ADGRL3: variants seen among roughly 807,000 people sequenced by gnomAD.
ADGRL3 encodes the protein adhesion G protein-coupled receptor L3.
Under a neutral mutation model 153.5 loss-of-function variants are expected in ADGRL3, and 62 were observed. The ratio of observed to expected loss-of-function variants is 0.40; its 90% confidence interval spans 0.33 to 0.50. ADGRL3 has a LOEUF of 0.50. Ranked by LOEUF, ADGRL3 falls within the 20% of genes least tolerant of loss-of-function variation. The pLI is 0.47. For missense variants in ADGRL3, 1,641 were observed against 1,859.4 expected, an observed-to-expected ratio of 0.88 and a Z score of 2.16; for synonymous variants, 710 against 672.5, an observed-to-expected ratio of 1.06 and a Z score of -0.86.
At chr4:61,736,772 C>T (rs1009911883) in intron 8 of ADGRL3, among the ~76,000 whole-genome samples, 1 of 152,170 alleles carries the variant, frequency 6.6e-6, no homozygotes, top group African/African-American at 2.4e-5. Flanking sequence ...AATTTCATTC[C>T]TTTTGAACAA....
chr4:62,077,193 A>T lies in ADGRL3; in HGVS notation c.*6285A>T, dbSNP rs10026213. The T allele has an allele frequency of 1.3e-5, 2 of 151,712 alleles. No homozygotes were observed. The highest frequency in any genetic ancestry group is 4.8e-5 in the African/African-American group (2 of 41,404). The allele number at this position is 151,712 out of a possible 1,614,324, so 9.4% of individuals were successfully genotyped here. ...AAAGGAAAGCGTTTGAAAGAAGAGG[A>T]AAGTAAAGCAGACTTCTAACTATTT... On this transcript the variant is annotated 3_prime_UTR_variant, in exon 27 of 27. Transcript: ENST00000683033.
chr4:62,071,898 T>C lies in ADGRL3; in HGVS notation c.*990T>C, dbSNP rs1745789339. The C allele has an allele frequency of 3.2e-6, 1 of 316,118 alleles. No individual in the cohort carries two copies. 19.6% of individuals were successfully genotyped at this position (316,118 alleles called of 1,614,324 possible). On this transcript the variant is annotated 3_prime_UTR_variant, in exon 27 of 27. Transcript: ENST00000683033. ...AAAATTAGACTTCCTTCCCTCACTA[T>C]ATATCTTTATGCAGTCAGAATATTT...
intron 3 of ADGRL3, among the ~76,000 whole-genome samples, chr4:61,506,793 C>T (rs1233242982): frequency 2.6e-5 from 4 of 152,026 alleles, no homozygotes; most frequent in African/African-American, 9.7e-5. Flanking sequence ...AACGTGCAAA[C>T]ATAAAATAGC....
At chr4:61,445,442 G>A (rs1314469382) in intron 2 of ADGRL3, among the ~76,000 whole-genome samples, 2 of 152,180 alleles carry the variant, frequency 1.3e-5, no homozygotes, top group East Asian at 3.9e-4. Context: ...TCACAGGAAG[G>A]TGTGTTCACT....
intron 2 of ADGRL3, among the ~76,000 whole-genome samples, chr4:61,474,577 G>T (rs997223749): frequency 6.6e-6 from 1 of 152,026 alleles, no homozygotes; most frequent in Non-Finnish European, 1.5e-5. Flanking sequence ...AAAAGAAAAA[G>T]AAAATTTATC....
chr4:61,989,515 T>C (rs1001031195), intron 19 of ADGRL3, among the ~76,000 whole-genome samples: 1 of 152,016 alleles, frequency 6.6e-6, no homozygotes, highest in African/African-American at 2.4e-5. Flanking sequence ...TACTATTTTA[T>C]TAAAGGCCAA....
At chr4:61,688,747 A>C (rs58046346) in intron 6 of ADGRL3, among the ~76,000 whole-genome samples, 1 of 151,970 alleles carries the variant, frequency 6.6e-6, no homozygotes, top group Non-Finnish European at 1.5e-5. Flanking sequence ...GACTATTTGT[A>C]TAATTTCACA....
In ADGRL3 at chr4:61,889,943, T is replaced by C. The variant is rs533268072; in HGVS notation, c.1481-2713T>C. ...ATCTAATCGAAGAAAGGTACCTTCATTTAGAAAGTATTCATCAGTACCTAC... is the reference window on the plus strand; with the variant it reads ...ATCTAATCGAAGAAAGGTACCTTCACTTAGAAAGTATTCATCAGTACCTAC... On this transcript the variant is annotated intron_variant, in intron 9 of 26. Coordinates refer to ENST00000683033, the MANE Select transcript of ADGRL3 (RefSeq NM_001387552.1). 1.5e-4 allele frequency among the ~76,000 whole-genome samples: 23 copies of C among 152,294 alleles called. No homozygotes were observed. In the East Asian group the frequency reaches 2.5e-3, roughly 17 times the overall value.
chr4:61,576,297 G>T (rs2098881247), intron 4 of ADGRL3, among the ~76,000 whole-genome samples: 1 of 151,892 alleles, frequency 6.6e-6, no homozygotes, highest in Non-Finnish European at 1.5e-5. Flanking sequence ...GCATTATCCA[G>T]CATACGATGT....
At chr4:62,014,896 C>T (rs1022366446) in intron 21 of ADGRL3, among the ~76,000 whole-genome samples, 1 of 152,128 alleles carries the variant, frequency 6.6e-6, no homozygotes, top group Admixed American at 6.6e-5. Context: ...CCCCTTTAAG[C>T]AAAACAACAA....
intron 1 of ADGRL3, among the ~76,000 whole-genome samples, chr4:61,370,357 G>C (rs944117573): frequency 7.9e-5 from 12 of 151,308 alleles, no homozygotes; most frequent in Admixed American, 7.9e-4. Context: ...GCTTTCTCTT[G>C]TGGGCATGTA....
chr4:62,059,571 G>A (rs1239822746), intron 25 of ADGRL3, among the ~76,000 whole-genome samples: 1 of 152,094 alleles, frequency 6.6e-6, no homozygotes, highest in African/African-American at 2.4e-5. Context: ...TTTTCCTTAA[G>A]AGTTTTATAT....
chr4:61,633,921 C>T (rs1180416392), intron 5 of ADGRL3, among the ~76,000 whole-genome samples: 1 of 136,874 alleles, frequency 7.3e-6, no homozygotes, highest in Admixed American at 7.5e-5. Context: ...GTGAACTGCA[C>T]GTTAGAGAAA....
chr4:61,266,032 A>T (rs1180493716), intron 1 of ADGRL3, among the ~76,000 whole-genome samples: 1 of 151,874 alleles, frequency 6.6e-6, no homozygotes, highest in Non-Finnish European at 1.5e-5. Context: ...TAGAATTTTC[A>T]TACAGGATGT....
intron 6 of ADGRL3, among the ~76,000 whole-genome samples, chr4:61,691,337 A>C (rs2095536274): frequency 6.6e-6 from 1 of 152,136 alleles, no homozygotes. Flanking sequence ...AATCCCATTT[A>C]TTATTGGTTT....
chr4:61,537,129 G>A (rs892783135), intron 4 of ADGRL3, among the ~76,000 whole-genome samples: 37 of 149,544 alleles, frequency 2.5e-4, no homozygotes, highest in African/African-American at 8.1e-4. Flanking sequence ...TTATCTCTCC[G>A]TTATGAAGCT....
At chr4:61,894,441 G>A (rs1327736461) in intron 10 of ADGRL3, among the ~76,000 whole-genome samples, 9 of 152,078 alleles carry the variant, frequency 5.9e-5, no homozygotes, top group Admixed American at 5.9e-4. Flanking sequence ...GGAGAATCCT[G>A]TGATCCTGGA....
rs568499410 is a variant in ADGRL3, at chr4:61,305,787, G to A, written c.-239-77337G>A. ...CTCATAAATCCACTTCTCCACTCAT[G>A]AAAGCCAGGAAACCGTAGATATAAG... On this transcript the variant is annotated intron_variant, in intron 1 of 26. Transcript: ENST00000683033. Among the ~76,000 whole-genome samples the A allele has an allele frequency of 2.0e-5, 3 of 152,232 alleles. No homozygotes were observed. The South Asian group carries it at 6.2e-4, about 32-fold the overall frequency.
intron 2 of ADGRL3, among the ~76,000 whole-genome samples, chr4:61,435,623 T>C (rs991797211): frequency 6.6e-5 from 10 of 152,122 alleles, no homozygotes; most frequent in African/African-American, 2.4e-4. Context: ...AATCTTATTA[T>C]TTTTCACAAA....
Sources: gnomAD v4.1 joint callset for allele counts (sites outside exome capture counted in the v4.1 genomes callset) on GRCh38, gnomAD v4.1.1 for gene constraint, MANE v1.5 for transcripts, NCBI Gene and HGNC (gene_info 2026-07-23, HGNC 2026-07-21) for gene names.